The following RIMS2 variants were observed in gnomAD, a reference collection of about 807,000 sequenced individuals.
RIMS2 encodes the protein regulating synaptic membrane exocytosis protein 2.
RIMS2 carries 59 observed loss-of-function variants against 174.4 expected under a neutral mutation model. The ratio of observed to expected loss-of-function variants is 0.34; its 90% confidence interval spans 0.27 to 0.42. RIMS2 has a LOEUF of 0.42. Ranked by LOEUF, RIMS2 falls within the 10% of genes least tolerant of loss-of-function variation. RIMS2 has a pLI of 1.00. For synonymous variants in RIMS2, 606 were observed against 572.5 expected (o/e 1.06, Z -0.84); for missense variants, 1,620 against 1,666.3 (o/e 0.97, Z 0.48).
intron 3 of RIMS2, among the ~76,000 whole-genome samples, chr8:103,849,161 G>A (rs184047274): frequency 1.3e-3 from 196 of 152,136 alleles, no homozygotes; most frequent in Admixed American, 3.4e-3. Flanking sequence ...CAGTTGCATG[G>A]CCACTGTGTG....
intron 14 of RIMS2, among the ~76,000 whole-genome samples, chr8:103,951,158 A>T (rs1277394484): frequency 6.6e-6 from 1 of 152,236 alleles, no homozygotes; most frequent in Non-Finnish European, 1.5e-5. Flanking sequence ...GGCTTTCAAT[A>T]ACATTCCACG....
intron 2 of RIMS2, among the ~76,000 whole-genome samples, chr8:103,758,064 G>A (rs145408389): frequency 9.2e-5 from 14 of 152,260 alleles, no homozygotes; most frequent in African/African-American, 2.6e-4. Context: ...TTTGAGTCAT[G>A]GAAGTTTCCA....
chr8:103,954,720 A>G (rs2154544094), intron 14 of RIMS2, among the ~76,000 whole-genome samples: 1 of 148,350 alleles, frequency 6.7e-6, no homozygotes, highest in Non-Finnish European at 1.5e-5. Context: ...AACAAATCCA[A>G]AAGCTAGCAG....
chr8:103,731,748 C>T (rs1354393765), intron 2 of RIMS2, among the ~76,000 whole-genome samples: 1 of 152,054 alleles, frequency 6.6e-6, no homozygotes, highest in African/African-American at 2.4e-5. Context: ...ATGCATTCTT[C>T]AGTATGTCAG....
At chr8:103,779,731 C>A (rs1205342547) in intron 3 of RIMS2, among the ~76,000 whole-genome samples, 3 of 123,974 alleles carry the variant, frequency 2.4e-5, no homozygotes, top group Non-Finnish European at 4.7e-5. Flanking sequence ...GGGTGGGGAG[C>A]ACCACACACT....
chr8:104,105,138 G>C (rs1566427609), intron 19 of RIMS2, among the ~76,000 whole-genome samples: 1 of 152,118 alleles, frequency 6.6e-6, no homozygotes. Flanking sequence ...CAGCTCTCAA[G>C]GACTTCAGTA....
In RIMS2 at chr8:103,647,405, C is replaced by A. The variant is rs564872919; in HGVS notation, c.177-49681C>A. 7.3e-5 allele frequency among the ~76,000 whole-genome samples: 11 copies of A among 151,500 alleles called. No individual in the cohort carries two copies. The South Asian group carries it at 2.3e-3, about 32-fold the overall frequency. On this transcript the variant is annotated intron_variant, in intron 1 of 23. Coordinates refer to ENST00000504942, the Ensembl canonical transcript of RIMS2. The stretch of plus-strand genomic sequence containing the variant: ...GGTTTTTTGTGTTGTTGTATCTGTG[C>A]CAGGTTTTGGTATCAGTATGATGTT...
intron 19 of RIMS2, among the ~76,000 whole-genome samples, chr8:104,209,252 C>T (rs1173520357): frequency 1.3e-5 from 2 of 152,170 alleles, no homozygotes; most frequent in Non-Finnish European, 2.9e-5. Flanking sequence ...CAACACTTAA[C>T]ACATAGGGAT....
intron 19 of RIMS2, among the ~76,000 whole-genome samples, chr8:104,057,622 G>A (rs1164511411): frequency 1.3e-5 from 2 of 150,738 alleles, no homozygotes; most frequent in Non-Finnish European, 3.0e-5. Context: ...CAATGTGCAG[G>A]TTAGTTACAT....
intron 1 of RIMS2, among the ~76,000 whole-genome samples, chr8:103,653,884 C>T (rs949558466): frequency 2.0e-5 from 3 of 152,120 alleles, no homozygotes; most frequent in Admixed American, 6.5e-5. Flanking sequence ...CTGTTTTATT[C>T]TTGGCATTTA....
chr8:103,599,252 G>C (rs979021027), intron 1 of RIMS2, among the ~76,000 whole-genome samples: 13 of 151,380 alleles, frequency 8.6e-5, no homozygotes, highest in Non-Finnish European at 1.5e-4. Context: ...AATAGATACT[G>C]TTTTTATTCT....
chr8:104,107,969 C>CG (rs1265660112), intron 19 of RIMS2, among the ~76,000 whole-genome samples: 2 of 80,684 alleles, frequency 2.5e-5, no homozygotes, highest in South Asian at 4.1e-4. Context: ...TTTCCCCTGC[C>CG]CCCCCCCCAC....
intron 19 of RIMS2, among the ~76,000 whole-genome samples, chr8:104,128,855 G>A (rs913879649): frequency 3.9e-5 from 6 of 152,088 alleles, no homozygotes; most frequent in African/African-American, 1.2e-4. Flanking sequence ...TTTAAATAGA[G>A]TGGCTAAATA....
At chr8:103,957,070 G>A (rs527513667) in intron 14 of RIMS2, among the ~76,000 whole-genome samples, 2 of 152,230 alleles carry the variant, frequency 1.3e-5, no homozygotes, top group Non-Finnish European at 2.9e-5. Context: ...ATGCCAGTTA[G>A]AATGGCGATC....
chr8:103,697,216 G>A (rs1052526537), exon 2 of RIMS2: 2 of 1,613,798 alleles, frequency 1.2e-6, no homozygotes. Flanking sequence ...GTTTGCTGAT[G>A]GATGTGGCCA....
chr8:103,728,275 A>G (rs1410681062), intron 2 of RIMS2, among the ~76,000 whole-genome samples: 1 of 152,002 alleles, frequency 6.6e-6, no homozygotes, highest in African/African-American at 2.4e-5. Flanking sequence ...TGATTTTTGT[A>G]TGTTGATTTT....
At position 103,992,274 on chromosome 8, in the gene RIMS2, A is replaced by ATTTTTTTTTTT. The variant is rs1186537194; in HGVS notation, c.3044+2866_3044+2876dup. 9.5e-3 allele frequency among the ~76,000 whole-genome samples: 1,011 copies of ATTTTTTTTTTT among 106,868 alleles called. 3 individuals carry two copies. Among genetic ancestry groups the ATTTTTTTTTTT allele is most frequent in the Middle Eastern group, 0.023 (3 of 132 alleles). The allele number at this position is 106,868 out of a possible 152,430, so 70.1% of individuals were successfully genotyped here. A position where few individuals can be genotyped will look rare whatever the true frequency, so the allele number is the denominator to read the frequency against. On this transcript the variant is annotated intron_variant, in intron 17 of 23. Coordinates refer to ENST00000504942, the Ensembl canonical transcript of RIMS2. ...CAGGCATGTGCCACCATGTCCAGCT[A>ATTTTTTTTTTT]TTTTTTTTTTTTTTTTTTTTTTTGT...
At chr8:103,885,948 G>A (rs750540599) in exon 4 of RIMS2, 3 of 1,612,840 alleles carry the variant, frequency 1.9e-6, no homozygotes, top group East Asian at 2.2e-5. Context: ...GACTTGAGGC[G>A]TACTGACTCA....
chr8:104,222,622 C>T (rs1040915072), intron 19 of RIMS2, among the ~76,000 whole-genome samples: 2 of 152,044 alleles, frequency 1.3e-5, no homozygotes, highest in African/African-American at 4.8e-5. Flanking sequence ...CTTTAGGTTC[C>T]GGGATAGAGA....
Sources: allele counts gnomAD v4.1 joint callset (sites outside exome capture counted in the v4.1 genomes callset), GRCh38; gene constraint gnomAD v4.1.1; transcripts MANE v1.5; gene names NCBI Gene and HGNC (gene_info 2026-07-23, HGNC 2026-07-21).